CPE: variants seen among roughly 807,000 people sequenced by gnomAD.
CPE encodes the protein carboxypeptidase E.
A neutral mutation model predicts 53.5 loss-of-function variants in CPE; 17 were observed. The ratio of observed to expected loss-of-function variants is 0.32; its 90% CI spans 0.22 to 0.48. The LOEUF is 0.48. Among genes scored for constraint, CPE ranks in the 20% least tolerant of loss-of-function variants. The pLI is 0.99. For synonymous variants in CPE, 226 were observed against 228.8 expected (o/e 0.99, Z 0.11); for missense variants, 524 against 614.7 (o/e 0.85, Z 1.56).
At chr4:165,441,483 G>A (rs1731607994) in intron 1 of CPE, among the ~76,000 whole-genome samples, 1 of 152,082 alleles carries the variant, frequency 6.6e-6, no homozygotes, top group Non-Finnish European at 1.5e-5. Context: ...GGTTTTGGGG[G>A]CTCTCTCAAG....
chr4:165,431,076 T>A (rs1003693241), intron 1 of CPE, among the ~76,000 whole-genome samples: 1 of 152,222 alleles, frequency 6.6e-6, no homozygotes, highest in Non-Finnish European at 1.5e-5. Flanking sequence ...GACTTTCCAA[T>A]GTGTCCTCTG....
intron 1 of CPE, among the ~76,000 whole-genome samples, chr4:165,394,173 T>A (rs1214193518): frequency 6.6e-6 from 1 of 152,168 alleles, no homozygotes; most frequent in Non-Finnish European, 1.5e-5. Context: ...TGCTCCATAA[T>A]GATTTGTGGA....
chr4:165,476,221 C>T (rs954353549), intron 3 of CPE, among the ~76,000 whole-genome samples: 7 of 152,258 alleles, frequency 4.6e-5, no homozygotes, highest in East Asian at 1.9e-4. Flanking sequence ...GTAGGCCAAG[C>T]GGGCAACTTG....
intron 1 of CPE, among the ~76,000 whole-genome samples, chr4:165,432,673 T>A (rs191870284): frequency 1.3e-5 from 2 of 152,298 alleles, no homozygotes; most frequent in Admixed American, 6.5e-5. Flanking sequence ...AGTATCCTCC[T>A]TTTCCCTCAG....
At chr4:165,411,734 A>G (rs1020352725) in intron 1 of CPE, among the ~76,000 whole-genome samples, 1 of 152,182 alleles carries the variant, frequency 6.6e-6, no homozygotes, top group African/African-American at 2.4e-5. Flanking sequence ...TCAAGTGATT[A>G]ATGCAATAAA....
chr4:165,464,613 C>A, intron 2 of CPE, 27 bp downstream of exon 2: 2 of 1,549,262 alleles, frequency 1.3e-6, no homozygotes, highest in East Asian at 2.3e-5. Context: ...TCAGATCAGG[C>A]GTGCTTTCTT....
intron 7 of CPE, among the ~76,000 whole-genome samples, chr4:165,494,078 G>T (rs1270296170): frequency 2.0e-5 from 3 of 151,594 alleles, no homozygotes; most frequent in African/African-American, 7.3e-5. Flanking sequence ...TTATAGCTTG[G>T]ATTAAAAAAA....
intron 4 of CPE, among the ~76,000 whole-genome samples, chr4:165,483,704 T>A (rs922158535): frequency 6.6e-6 from 1 of 152,238 alleles, no homozygotes; most frequent in African/African-American, 2.4e-5. Context: ...TTAATTTGCC[T>A]TTCTCAGATG....
At chr4:165,474,742 CTT>C (rs1228776114) in intron 3 of CPE, among the ~76,000 whole-genome samples, 1 of 152,206 alleles carries the variant, frequency 6.6e-6, no homozygotes, top group Non-Finnish European at 1.5e-5. Flanking sequence ...TAGAACCAAC[CTT>C]CATGTCTGTC....
At chr4:165,401,756 A>T (rs1281346810) in intron 1 of CPE, among the ~76,000 whole-genome samples, 1 of 152,240 alleles carries the variant, frequency 6.6e-6, no homozygotes, top group Non-Finnish European at 1.5e-5. Flanking sequence ...GCCACAATAT[A>T]TGAGGCCCTG....
At chr4:165,435,342 C>T (rs969257181) in intron 1 of CPE, among the ~76,000 whole-genome samples, 2 of 149,368 alleles carry the variant, frequency 1.3e-5, no homozygotes, top group South Asian at 2.1e-4. Flanking sequence ...GCCTTTCAGG[C>T]TACAGAAAAA....
At position 165,421,386 on chromosome 4, in the gene CPE, A is replaced by G. The variant is rs543956631; in HGVS notation, c.307+41858A>G. ...CCAAATCTTAGTTGGTATCTCTTCT[A>G]TGTTTGGTCAGCAAATAACCTCTGC... On this transcript the variant is annotated intron_variant, in intron 1 of 8. Coordinates refer to ENST00000402744, the MANE Select transcript of CPE (RefSeq NM_001873.4). 6.6e-5 allele frequency among the ~76,000 whole-genome samples: 10 copies of G among 152,254 alleles called. No homozygotes were observed. In the South Asian group the frequency reaches 1.7e-3, roughly 25 times the overall value.
At chr4:165,443,411 A>T (rs2126686939) in intron 1 of CPE, among the ~76,000 whole-genome samples, 1 of 152,304 alleles carries the variant, frequency 6.6e-6, no homozygotes, top group South Asian at 2.1e-4. Flanking sequence ...TGCTAAGGCC[A>T]CCATAACAAA....
At chr4:165,415,282 G>A (rs1451414571) in intron 1 of CPE, 1 of 167,006 alleles carries the variant, frequency 6.0e-6, no homozygotes, top group Non-Finnish European at 1.5e-5. Flanking sequence ...AGGATCTACT[G>A]TTATTCTCTG....
chr4:165,424,879 CTT>C (rs777344411), intron 1 of CPE, among the ~76,000 whole-genome samples: 3 of 137,702 alleles, frequency 2.2e-5, no homozygotes. Flanking sequence ...AAAGTAGAAA[CTT>C]TTTTTTTTTT....
At chr4:165,491,629 T>G (rs1732607042) in intron 6 of CPE, among the ~76,000 whole-genome samples, 1 of 152,176 alleles carries the variant, frequency 6.6e-6, no homozygotes, top group Non-Finnish European at 1.5e-5. Flanking sequence ...AAAAATATAT[T>G]TACTCTACTA....
rs1001165792 is a variant in CPE at position 165,493,160 on chromosome 4, G to T, written c.1114-11G>T. On this transcript the variant is annotated splice_polypyrimidine_tract_variant and intron_variant, in intron 6 of 8. Transcript: ENST00000402744. ...TCATATTAATTTTTTGGTTATTTTT[G>T]ACCTTCACAGATACACCGAGGAGTT... 2.5e-6 allele frequency: 4 copies of T among 1,595,114 alleles called. No individual in the cohort carries two copies. Among genetic ancestry groups the T allele is most frequent in the African/African-American group, 2.7e-5 (2 of 74,032 alleles).
intron 1 of CPE, among the ~76,000 whole-genome samples, chr4:165,459,683 G>GGGGGGGGT (rs1731963245): frequency 8.0e-6 from 1 of 125,000 alleles, no homozygotes; most frequent in African/African-American, 3.4e-5. Context: ...GTGGGGGGGG[G>GGGGGGGGT]CGGGGCAGAT....
At chr4:165,453,380 T>TTCTC (rs747306236) in intron 1 of CPE, among the ~76,000 whole-genome samples, 1 of 150,464 alleles carries the variant, frequency 6.6e-6, no homozygotes, top group African/African-American at 2.5e-5. Context: ...CTTTCTTTCT[T>TTCTC]TCTCTCTCTC....
Sources: gnomAD v4.1 joint callset for allele counts (sites outside exome capture counted in the v4.1 genomes callset) on GRCh38, gnomAD v4.1.1 for gene constraint, MANE v1.5 for transcripts, NCBI Gene and HGNC (gene_info 2026-07-23, HGNC 2026-07-21) for gene names.